MAPK8IP3: variants seen among roughly 807,000 people sequenced by gnomAD.
MAPK8IP3 encodes the protein C-Jun-amino-terminal kinase-interacting protein 3.
In MAPK8IP3, 49 loss-of-function variants were observed where a neutral mutation model predicts 157.8. The ratio of observed to expected loss-of-function variants is 0.31; its 90% confidence interval spans 0.25 to 0.39. MAPK8IP3 has a LOEUF of 0.39. MAPK8IP3 is among the 10% of genes least tolerant of loss of function. MAPK8IP3 has a pLI of 1.00. For synonymous variants in MAPK8IP3, 897 were observed against 777.7 expected, an observed-to-expected ratio of 1.15 and a Z score of -2.55; for missense variants, 1,478 against 1,889.4, an observed-to-expected ratio of 0.78 and a Z score of 4.04.
At chr16:1,756,101 G>T (rs1228413701) in intron 8 of MAPK8IP3, among the ~76,000 whole-genome samples, 1 of 152,152 alleles carries the variant, frequency 6.6e-6, no homozygotes, top group African/African-American at 2.4e-5. Flanking sequence ...AGCAGCTGGA[G>T]ATGCTCCTTC....
In MAPK8IP3 at chr16:1,758,983, G is replaced by A. The variant is rs771003156; in HGVS notation, c.1234G>A (p.Asp412Asn). ...GGACGGGGACGGCTCCCTAGTGCGC[G>A]ATGATTTCTTTGGTAAGGCTGAGGC... ...ADLLGEFSVR[D>N]DFFGMGKEVG... Residue 412 changes from aspartate (D) to asparagine (N), a missense_variant, in exon 10 of 32, where the codon GAT (aspartate) becomes AAT (asparagine). This residue lies in a region of MAPK8IP3 where 315 missense variants were observed against 394.4 expected (regional missense o/e 0.80). Transcript: ENST00000610761. 8.7e-5 allele frequency: 141 copies of A among 1,614,034 alleles called. 1 individual carries two copies. The highest frequency in any genetic ancestry group is 1.1e-4 in the Non-Finnish European group (124 of 1,180,020).
intron 8 of MAPK8IP3, 63 bp downstream of exon 8, chr16:1,748,783 T>G: frequency 6.9e-7 from 1 of 1,445,662 alleles, no homozygotes; most frequent in Non-Finnish European, 9.7e-7. Flanking sequence ...CTGCTGTTGG[T>G]TTTGTTTGTA....
chr16:1,746,977 G>A, intron 5 of MAPK8IP3, 52 bp from the exon 6 acceptor site: 1 of 1,591,720 alleles, frequency 6.3e-7, no homozygotes, highest in Non-Finnish European at 8.6e-7. Context: ...CGGAGCCGCA[G>A]GCCAGGGACC....
At chr16:1,761,805 G>A (rs919443955) in intron 13 of MAPK8IP3, among the ~76,000 whole-genome samples, 1 of 152,086 alleles carries the variant, frequency 6.6e-6, no homozygotes, top group African/African-American at 2.4e-5. Context: ...ACATTCACAC[G>A]CTGGGCGGCC....
intron 4 of MAPK8IP3, among the ~76,000 whole-genome samples, chr16:1,732,015 C>T (rs1000606693): frequency 7.2e-5 from 11 of 152,176 alleles, no homozygotes; most frequent in East Asian, 1.9e-4. Context: ...GGTTCCTCTC[C>T]GTTTTCTGTG....
chr16:1,738,358 C>T (rs546427870), intron 4 of MAPK8IP3, among the ~76,000 whole-genome samples: 4 of 78,018 alleles, frequency 5.1e-5, no homozygotes, highest in African/African-American at 2.1e-4. Context: ...GTGTGACCAT[C>T]CGTGTGAGTG....
At chr16:1,737,390 ATGTGAGCATCTGTGTGACCGTCCG>A in intron 4 of MAPK8IP3, among the ~76,000 whole-genome samples, 1 of 81,618 alleles carries the variant, frequency 1.2e-5, no homozygotes, top group Admixed American at 1.4e-4. Flanking sequence ...GTGACCATCC[ATGTGAGCATCTGTGTGACCGTCCG>A]TGTGAGCGTC....
At chr16:1,767,370 C>T (rs909192952) in intron 26 of MAPK8IP3, 73 bp downstream of exon 26, 40 of 1,588,318 alleles carry the variant, frequency 2.5e-5, no homozygotes, top group African/African-American at 1.1e-4. Context: ...ATCTTCCATA[C>T]GGAAGTCCAC....
At chr16:1,711,186 A>G (rs2037746126) in intron 1 of MAPK8IP3, among the ~76,000 whole-genome samples, 1 of 152,246 alleles carries the variant, frequency 6.6e-6, no homozygotes, top group Non-Finnish European at 1.5e-5. Context: ...TGCAGAATTA[A>G]CACTCCTCAC....
At chr16:1,748,524 T>A (rs939480562) in intron 7 of MAPK8IP3, 78 bp from the exon 8 acceptor site, 3 of 1,281,344 alleles carry the variant, frequency 2.3e-6, no homozygotes, top group Non-Finnish European at 2.3e-6. Context: ...GTGGGAGGTG[T>A]TGGAAGAGTC....
At chr16:1,744,464 G>A (rs1011527899) in intron 5 of MAPK8IP3, 6 of 985,656 alleles carry the variant, frequency 6.1e-6, no homozygotes, top group African/African-American at 5.2e-5. Context: ...CTCTGGGAGC[G>A]AGCTCCCTCA....
rs751305952 is a variant in MAPK8IP3 at position 1,711,942 on chromosome 16, CAA to C, written c.318+5299_318+5300del. Among the ~76,000 whole-genome samples the C allele has an allele frequency of 2.1e-4, 11 of 52,512 alleles. No homozygotes were observed. In the East Asian group the frequency reaches 2.3e-3, roughly 11 times the overall value. The allele number at this position is 52,512 out of a possible 152,430, so 34.4% of individuals were successfully genotyped here. A position where few individuals can be genotyped will look rare whatever the true frequency, so the allele number is the denominator to read the frequency against. ...TGGGCAATTGAGGGAGACTCCGTCT[CAA>C]AAAAAAAAAAAAAGAAAAAAAAAGA... On this transcript the variant is annotated intron_variant, in intron 1 of 31. Coordinates refer to ENST00000610761, the MANE Select transcript of MAPK8IP3 (RefSeq NM_001318852.2).
intron 7 of MAPK8IP3, 55 bp downstream of exon 7, chr16:1,748,401 G>A (rs1188765118): frequency 1.2e-5 from 17 of 1,456,096 alleles, no homozygotes; most frequent in South Asian, 1.0e-4. Context: ...TATCCAAGTC[G>A]GTGTCTTTGG....
chr16:1,729,260 C>T, intron 3 of MAPK8IP3, 52 bp downstream of exon 3: 1 of 1,579,492 alleles, frequency 6.3e-7, no homozygotes, highest in Non-Finnish European at 8.7e-7. Flanking sequence ...AGGGCCGCGG[C>T]CTGACGCCTG....
At position 1,766,768 on chromosome 16, in the gene MAPK8IP3, C is replaced by T. The variant is rs1163583945; in HGVS notation, c.2985C>T (p.His995=). ...SAVANWKKCL[H]SIKLKDSVLS... ...TGGCCAACTGGAAGAAGTGCCTGCA[C>T]TCCATCAAGCTGAAGGATTCTGTGC... Residue 995 remains histidine (H), a synonymous_variant, in exon 24 of 32, where the codon CAC becomes CAT. Transcript: ENST00000610761. The T allele has an allele frequency of 5.0e-6, 8 of 1,612,868 alleles. No individual in the cohort carries two copies. Among genetic ancestry groups the T allele is most frequent in the Non-Finnish European group, 6.8e-6 (8 of 1,179,942 alleles).
chr16:1,732,092 G>T (rs1253373539), intron 4 of MAPK8IP3, among the ~76,000 whole-genome samples: 2 of 152,202 alleles, frequency 1.3e-5, no homozygotes, highest in African/African-American at 4.8e-5. Context: ...TCTTGCCAGG[G>T]TATTGCAGCT....
intron 4 of MAPK8IP3, among the ~76,000 whole-genome samples, chr16:1,734,141 T>G (rs8049415): frequency 2.0e-5 from 3 of 152,102 alleles, no homozygotes; most frequent in Non-Finnish European, 2.9e-5. Flanking sequence ...GCAGCTACAT[T>G]ACTCTGGCCC....
chr16:1,769,162 C>G lies in MAPK8IP3; in HGVS notation c.*338C>G. 3.0e-6 allele frequency: 1 copy of G among 334,026 alleles called. No individual in the cohort carries two copies. 20.7% of individuals were successfully genotyped at this position (334,026 alleles called of 1,614,324 possible). A position where few individuals can be genotyped will look rare whatever the true frequency, so the allele number is the denominator to read the frequency against. On this transcript the variant is annotated 3_prime_UTR_variant, in exon 32 of 32. Transcript: ENST00000610761. Reference sequence around the variant, plus strand: ...GTGGTCCTGGCTCTACCCTGGGCCTCCTACTCCCCAGCACCCCTGGAGGAG... The same window carrying G: ...GTGGTCCTGGCTCTACCCTGGGCCTGCTACTCCCCAGCACCCCTGGAGGAG...
In MAPK8IP3 at chr16:1,724,677, A is replaced by G. The variant is rs781316545; in HGVS notation, c.439A>G (p.Ile147Val). The G allele has an allele frequency of 2.5e-6, 4 of 1,610,306 alleles. No homozygotes were observed. Among genetic ancestry groups the G allele is most frequent in the Non-Finnish European group, 2.5e-6 (3 of 1,177,442 alleles). The change falls in exon 2 of 32, where the codon ATT becomes GTT. Residue 147 changes from isoleucine to valine, a missense_variant and splice_region_variant. Ile to Val is a conservative substitution (Grantham distance 29). Coordinates refer to ENST00000610761, the MANE Select transcript of MAPK8IP3 (RefSeq NM_001318852.2). The surrounding 1 kb of genome is among the most constrained non-coding windows in gnomAD (Gnocchi z 4.1). The part of the protein sequence containing the change: ...ELKAKNYADQ[I>V]SRLEERESEM... ...GAAGGCCAAGAACTATGCCGATCAG[A>G]GTAAGTGGCTGGCGGGAGCCTGGAG...
Sources: gnomAD v4.1 joint callset for allele counts (sites outside exome capture counted in the v4.1 genomes callset) on GRCh38, gnomAD v4.1.1 for gene constraint, gnomAD v4.1.1 regional missense constraint, Gnocchi (gnomAD v3.1) non-coding constraint, MANE v1.5 for transcripts, NCBI Gene and HGNC (gene_info 2026-07-23, HGNC 2026-07-21) for gene names.